DLG2: variants seen among roughly 807,000 people sequenced by gnomAD.
DLG2 encodes discs large MAGUK scaffold protein 2.
Under a neutral mutation model 132.5 loss-of-function variants are expected in DLG2, and 45 were observed. The ratio of observed to expected loss-of-function variants is 0.34; its 90% confidence interval spans 0.27 to 0.44. The LOEUF (loss-of-function observed/expected upper bound fraction) is 0.44. Among genes scored for constraint, DLG2 ranks in the 20% least tolerant of loss-of-function variants. The pLI is 1.00. For missense variants in DLG2, 1,045 were observed against 1,196.9 expected (o/e 0.87, Z 1.87); for synonymous variants, 424 against 419.6 (o/e 1.01, Z -0.13).
At chr11:83,946,008 T>C (rs2083841296) in intron 14 of DLG2, among the ~76,000 whole-genome samples, 2 of 148,386 alleles carry the variant, frequency 1.3e-5, no homozygotes, top group Admixed American at 6.7e-5. Context: ...TTTTTTTTTT[T>C]TGACAGAGTC....
intron 6 of DLG2, among the ~76,000 whole-genome samples, chr11:84,741,281 C>T (rs967054810): frequency 2.6e-5 from 4 of 151,754 alleles, no homozygotes; most frequent in Non-Finnish European, 5.9e-5. Flanking sequence ...GTCTCGATCT[C>T]CTGACCTCGT....
intron 3 of DLG2, among the ~76,000 whole-genome samples, chr11:85,462,741 T>A (rs1416575078): frequency 6.6e-6 from 1 of 151,922 alleles, no homozygotes; most frequent in Admixed American, 6.6e-5. Context: ...ACATGCCACA[T>A]GTATACATAT....
intron 16 of DLG2, among the ~76,000 whole-genome samples, chr11:83,839,736 C>A (rs1052183830): frequency 3.3e-5 from 5 of 152,204 alleles, no homozygotes; most frequent in Non-Finnish European, 7.3e-5. Context: ...CGATATATTA[C>A]AGAATATAGT....
At chr11:85,182,082 G>T (rs1455604987) in intron 4 of DLG2, among the ~76,000 whole-genome samples, 1 of 151,930 alleles carries the variant, frequency 6.6e-6, no homozygotes, top group East Asian at 1.9e-4. Flanking sequence ...TGGTAGTTGG[G>T]GTTAGATGTG....
intron 6 of DLG2, among the ~76,000 whole-genome samples, chr11:84,842,639 A>G (rs1251406163): frequency 6.6e-6 from 1 of 152,008 alleles, no homozygotes; most frequent in African/African-American, 2.4e-5. Flanking sequence ...CCTACCTACC[A>G]GCTCAAGTGC....
At chr11:83,666,038 T>C (rs2075461640) in intron 18 of DLG2, among the ~76,000 whole-genome samples, 1 of 152,218 alleles carries the variant, frequency 6.6e-6, no homozygotes, top group African/African-American at 2.4e-5. Context: ...CTCTGCTTCC[T>C]GTCTTCACTA....
chr11:85,321,751 A>C (rs895362370), intron 3 of DLG2, among the ~76,000 whole-genome samples: 3 of 152,074 alleles, frequency 2.0e-5, no homozygotes, highest in African/African-American at 4.8e-5. Context: ...TGATAAGTCA[A>C]GGAGGATGAG....
intron 15 of DLG2, among the ~76,000 whole-genome samples, chr11:83,908,521 C>T (rs544089892): frequency 6.6e-6 from 1 of 152,150 alleles, no homozygotes; most frequent in East Asian, 1.9e-4. Context: ...TACACACCTA[C>T]AAAAACAGAG....
chr11:84,135,131 A>G (rs756195), intron 9 of DLG2, among the ~76,000 whole-genome samples: 2,840 of 152,236 alleles, frequency 0.019, 70 homozygotes, highest in African/African-American at 0.063. Context: ...GTTTACTGCT[A>G]TATGTACTAA....
At chr11:84,601,361 T>G (rs767233064) in intron 6 of DLG2, among the ~76,000 whole-genome samples, 1 of 152,142 alleles carries the variant, frequency 6.6e-6, no homozygotes, top group African/African-American at 2.4e-5. Context: ...CCGTGGAAAC[T>G]ACAATTGTGA....
chr11:83,701,785 G>A (rs1349632715), intron 18 of DLG2, among the ~76,000 whole-genome samples: 1 of 152,174 alleles, frequency 6.6e-6, no homozygotes, highest in Non-Finnish European at 1.5e-5. Context: ...GTCGTGGTAG[G>A]GAAGGGAAAG....
chr11:83,925,565 A>G (rs2078817559), intron 15 of DLG2, among the ~76,000 whole-genome samples: 1 of 152,032 alleles, frequency 6.6e-6, no homozygotes. Context: ...AATCCCTAAC[A>G]TTAAGGATGA....
At chr11:84,831,875 T>A (rs760857608) in intron 6 of DLG2, among the ~76,000 whole-genome samples, 24 of 151,634 alleles carry the variant, frequency 1.6e-4, no homozygotes, top group Admixed American at 3.3e-4. Context: ...GCAGATACAG[T>A]GACGACCTGC....
chr11:84,596,229 C>G (rs574236268), intron 6 of DLG2, among the ~76,000 whole-genome samples: 1 of 145,766 alleles, frequency 6.9e-6, no homozygotes, highest in Admixed American at 6.8e-5. Flanking sequence ...TTTCTCTTGA[C>G]GGAGCTTTGC....
intron 6 of DLG2, among the ~76,000 whole-genome samples, chr11:84,925,014 C>A (rs1402420657): frequency 6.6e-6 from 1 of 152,150 alleles, no homozygotes; most frequent in African/African-American, 2.4e-5. Context: ...CCAAATATAA[C>A]AACTCAATGC....
intron 4 of DLG2, among the ~76,000 whole-genome samples, chr11:85,191,207 T>TACAC (rs2080545755): frequency 1.1e-5 from 1 of 87,398 alleles, no homozygotes; most frequent in Non-Finnish European, 2.5e-5. Flanking sequence ...CACACACACG[T>TACAC]TTGGATATAT....
intron 22 of DLG2, among the ~76,000 whole-genome samples, chr11:83,477,644 A>T (rs917124814): frequency 6.6e-6 from 1 of 152,036 alleles, no homozygotes; most frequent in African/African-American, 2.4e-5. Flanking sequence ...TCTAACTCTG[A>T]ATTATTACAA....
At chr11:83,845,997 A>C (rs1195594776) in intron 16 of DLG2, among the ~76,000 whole-genome samples, 1 of 152,260 alleles carries the variant, frequency 6.6e-6, no homozygotes, top group African/African-American at 2.4e-5. Context: ...TTGAAAGGCA[A>C]ATAGTCACAC....
At chr11:84,487,448 T>C (rs561920165) in intron 7 of DLG2, among the ~76,000 whole-genome samples, 165 of 152,246 alleles carry the variant, frequency 1.1e-3, no homozygotes, top group African/African-American at 3.7e-3. Context: ...TCTGGGTATA[T>C]AGCTGATGGT....
Sources: gnomAD v4.1 joint callset for allele counts (sites outside exome capture counted in the v4.1 genomes callset) on GRCh38, gnomAD v4.1.1 for gene constraint, MANE v1.5 for transcripts, NCBI Gene and HGNC (gene_info 2026-07-23, HGNC 2026-07-21) for gene names.